CSGALNACT1: variants seen among roughly 807,000 people sequenced by gnomAD.
CSGALNACT1 encodes the protein beta4GalNAcT-1.
CSGALNACT1 carries 52 observed loss-of-function variants against 51.0 expected under a neutral mutation model. The ratio of observed to expected loss-of-function variants is 1.02; its 90% CI spans 0.82 to 1.29. The LOEUF is 1.29. CSGALNACT1 is among the 50% of genes most tolerant of loss of function. The pLI, the probability that CSGALNACT1 is intolerant of heterozygous loss-of-function variation, is 0.00. For missense variants in CSGALNACT1, 935 were observed against 679.2 expected, an observed-to-expected ratio of 1.38 and a Z score of -4.19; for synonymous variants, 341 against 254.4, an observed-to-expected ratio of 1.34 and a Z score of -3.24.
intron 1 of CSGALNACT1, among the ~76,000 whole-genome samples, chr8:19,689,396 C>T (rs889417256): frequency 5.3e-5 from 8 of 152,190 alleles, no homozygotes; most frequent in African/African-American, 1.9e-4. Context: ...AAAGAGGATT[C>T]TCCAGCCCCC....
intron 1 of CSGALNACT1, among the ~76,000 whole-genome samples, chr8:19,733,081 G>C (rs911182971): frequency 6.6e-6 from 1 of 152,160 alleles, no homozygotes; most frequent in East Asian, 1.9e-4. Flanking sequence ...GATTTCTGAG[G>C]ATTAATAAAT....
At chr8:19,409,907 A>AT (rs2055301717) in intron 8 of CSGALNACT1, among the ~76,000 whole-genome samples, 1 of 152,052 alleles carries the variant, frequency 6.6e-6, no homozygotes, top group African/African-American at 2.4e-5. Flanking sequence ...AAATTCACTC[A>AT]TCCCTTAGGT....
At chr8:19,535,564 T>A (rs1359741348) in intron 3 of CSGALNACT1, among the ~76,000 whole-genome samples, 1 of 152,200 alleles carries the variant, frequency 6.6e-6, no homozygotes, top group Non-Finnish European at 1.5e-5. Context: ...AAACTTTGAA[T>A]ATTTAAAATC....
At chr8:19,557,725 CTTTA>C in intron 3 of CSGALNACT1, among the ~76,000 whole-genome samples, 1 of 152,244 alleles carries the variant, frequency 6.6e-6, no homozygotes, top group South Asian at 2.1e-4. Flanking sequence ...CCTTTCCTTG[CTTTA>C]TTTTTCTTCT....
chr8:19,465,687 C>G (rs2066509822), intron 4 of CSGALNACT1, among the ~76,000 whole-genome samples: 1 of 152,178 alleles, frequency 6.6e-6, no homozygotes, highest in Non-Finnish European at 1.5e-5. Flanking sequence ...TGTCTTAGAG[C>G]TTTAAACTCT....
At chr8:19,539,263 A>G (rs1335326123) in intron 3 of CSGALNACT1, among the ~76,000 whole-genome samples, 1 of 152,190 alleles carries the variant, frequency 6.6e-6, no homozygotes, top group East Asian at 1.9e-4. Context: ...TGTAGTCCTC[A>G]TATGTATTAG....
At chr8:19,507,304 G>T (rs754014989) in intron 3 of CSGALNACT1, among the ~76,000 whole-genome samples, 1 of 152,096 alleles carries the variant, frequency 6.6e-6, no homozygotes, top group Non-Finnish European at 1.5e-5. Context: ...TGTCCTGATA[G>T]TTCATAAGAA....
chr8:19,420,597 C>T, intron 6 of CSGALNACT1, 79 bp from the exon 6 acceptor site: 1 of 1,415,530 alleles, frequency 7.1e-7, no homozygotes, highest in Non-Finnish European at 1.0e-6. Context: ...TAATCAGGGC[C>T]CATCCACATC....
intron 5 of CSGALNACT1, among the ~76,000 whole-genome samples, chr8:19,449,528 T>G (rs892152544): frequency 7.1e-6 from 1 of 140,274 alleles, no homozygotes; most frequent in East Asian, 2.0e-4. Context: ...CATTTCAATT[T>G]CCGAGACTCT....
intron 3 of CSGALNACT1, among the ~76,000 whole-genome samples, chr8:19,527,523 T>C (rs2081948523): frequency 6.6e-6 from 1 of 151,824 alleles, no homozygotes; most frequent in African/African-American, 2.4e-5. Context: ...GGACGGAAAA[T>C]CGCTTGAACC....
intron 3 of CSGALNACT1, among the ~76,000 whole-genome samples, chr8:19,573,376 T>A (rs2043432374): frequency 6.6e-6 from 1 of 152,188 alleles, no homozygotes; most frequent in African/African-American, 2.4e-5. Context: ...GATGAAAACC[T>A]TGGCAGGTGC....
chr8:19,749,584 C>G (rs927950380), intron 1 of CSGALNACT1, among the ~76,000 whole-genome samples: 1 of 152,152 alleles, frequency 6.6e-6, no homozygotes, highest in African/African-American at 2.4e-5. Context: ...GGCTCAGTAT[C>G]ATAAAACCAC....
chr8:19,417,318 A>C (rs1337880137), intron 8 of CSGALNACT1, among the ~76,000 whole-genome samples: 3 of 152,154 alleles, frequency 2.0e-5, no homozygotes, highest in African/African-American at 4.8e-5. Flanking sequence ...CCCAAAATGA[A>C]GCCATGCTAG....
chr8:19,622,610 A>G (rs1423596912), intron 1 of CSGALNACT1, among the ~76,000 whole-genome samples: 2 of 152,238 alleles, frequency 1.3e-5, no homozygotes, highest in Non-Finnish European at 2.9e-5. Flanking sequence ...TGGAGTTAAA[A>G]GTATTTTAAA....
intron 5 of CSGALNACT1, among the ~76,000 whole-genome samples, chr8:19,442,811 T>C (rs2061538627): frequency 2.0e-5 from 3 of 152,102 alleles, no homozygotes; most frequent in African/African-American, 7.2e-5. Flanking sequence ...TCTTTTCTTA[T>C]GTGGGCCAAA....
At chr8:19,530,859 A>G (rs1391947716) in intron 3 of CSGALNACT1, among the ~76,000 whole-genome samples, 2 of 152,226 alleles carry the variant, frequency 1.3e-5, no homozygotes, top group Non-Finnish European at 2.9e-5. Context: ...GAGCAACAGA[A>G]GTTTTGTTCA....
intron 3 of CSGALNACT1, among the ~76,000 whole-genome samples, chr8:19,578,818 T>C (rs796789133): frequency 3.3e-5 from 5 of 152,298 alleles, no homozygotes; most frequent in African/African-American, 7.2e-5. Context: ...GATTTCCATA[T>C]TGCCAAATCC....
intron 1 of CSGALNACT1, among the ~76,000 whole-genome samples, chr8:19,748,023 T>C (rs1283220214): frequency 1.3e-5 from 2 of 151,356 alleles, no homozygotes; most frequent in Non-Finnish European, 2.9e-5. Flanking sequence ...TCTCCTCCCT[T>C]GTTCACCCAT....
chr8:19,465,753 C>T (rs1052401344), intron 4 of CSGALNACT1, among the ~76,000 whole-genome samples: 3 of 152,304 alleles, frequency 2.0e-5, no homozygotes, highest in South Asian at 4.1e-4. Context: ...GGGCATCCCC[C>T]TGTCCAGGCT....
Sources: allele counts gnomAD v4.1 joint callset (sites outside exome capture counted in the v4.1 genomes callset), GRCh38; gene constraint gnomAD v4.1.1; transcripts MANE v1.5; gene names NCBI Gene and HGNC (gene_info 2026-07-23, HGNC 2026-07-21).